CEP85: variants seen among roughly 807,000 people sequenced by gnomAD.
CEP85 encodes centrosomal protein of 85 kDa.
CEP85 carries 58 observed loss-of-function variants against 93.7 expected under a neutral mutation model. That is an observed-to-expected ratio of 0.62 (90% confidence interval 0.50 to 0.77). The LOEUF is 0.77. Among genes scored for constraint, CEP85 ranks in the 30% least tolerant of loss-of-function variants. CEP85 has a pLI of 0.00. For missense variants in CEP85, 868 were observed against 922.0 expected, an observed-to-expected ratio of 0.94 and a Z score of 0.76; for synonymous variants, 314 against 338.6, an observed-to-expected ratio of 0.93 and a Z score of 0.80.
chr1:26,271,102 CA>C lies in CEP85; in HGVS notation c.1742del (p.Lys581ArgfsTer20). The C allele has an allele frequency of 1.2e-6, 2 of 1,604,308 alleles. No individual in the cohort carries two copies. Among genetic ancestry groups the C allele is most frequent in the Non-Finnish European group, 1.7e-6 (2 of 1,171,198 alleles). On this transcript the variant is annotated frameshift_variant, in exon 10 of 14. Transcript: ENST00000451429. LOFTEE classifies it high-confidence loss of function. ...CTGGCAGAAGCGATACGATTCGCTC[CA>C]AAAGGTGACTGAGGGTGTCCAGGCT... Reference protein sequence around the residue: ...ESWQKRYDSLQKIVEKQQQKM... With the variant: ...ESWQKRYDSLXKIVEKQQQKM...
intron 3 of CEP85, among the ~76,000 whole-genome samples, chr1:26,253,694 C>G (rs140126250): frequency 2.2e-3 from 327 of 151,792 alleles, no homozygotes; most frequent in African/African-American, 7.5e-3. Flanking sequence ...CCGGCCTCAT[C>G]TTTTTCATCA....
At chr1:26,270,291 C>G (rs1252918697) in intron 9 of CEP85, among the ~76,000 whole-genome samples, 1 of 152,198 alleles carries the variant, frequency 6.6e-6, no homozygotes, top group Non-Finnish European at 1.5e-5. Flanking sequence ...ACAGTTCGAG[C>G]TGTGTAGGCT....
chr1:26,256,787 C>T (rs1004329439), intron 4 of CEP85, among the ~76,000 whole-genome samples: 22 of 151,302 alleles, frequency 1.5e-4, no homozygotes, highest in Non-Finnish European at 2.4e-4. Context: ...TTAGTAGAAA[C>T]AGGGTTTCAC....
At chr1:26,269,751 G>T in intron 9 of CEP85, 137 bp downstream of exon 9, 18 of 405,748 alleles carry the variant, frequency 4.4e-5, no homozygotes, top group Middle Eastern at 7.7e-4. Flanking sequence ...TTTGGACTGT[G>T]AATAATAGGA....
At chr1:26,242,320 G>T (rs1458475268) in intron 2 of CEP85, among the ~76,000 whole-genome samples, 2 of 152,140 alleles carry the variant, frequency 1.3e-5, no homozygotes, top group Non-Finnish European at 2.9e-5. Context: ...GAGAGAAAAA[G>T]CTGTGTAGAC....
intron 3 of CEP85, among the ~76,000 whole-genome samples, chr1:26,245,863 T>C (rs377397859): frequency 5.3e-5 from 8 of 152,278 alleles, no homozygotes; most frequent in African/African-American, 1.7e-4. Flanking sequence ...CCACAGCCAC[T>C]TGGATGGCTA....
At chr1:26,242,480 C>G (rs1437712793) in intron 2 of CEP85, among the ~76,000 whole-genome samples, 2 of 152,114 alleles carry the variant, frequency 1.3e-5, no homozygotes, top group Non-Finnish European at 2.9e-5. Flanking sequence ...AAGATTCTTT[C>G]AAATCAGGCA....
chr1:26,266,797 G>A (rs1400655595), intron 7 of CEP85, among the ~76,000 whole-genome samples: 2 of 152,194 alleles, frequency 1.3e-5, no homozygotes, highest in Non-Finnish European at 2.9e-5. Flanking sequence ...TGAAGAAAAA[G>A]CCTCTGTTCA....
intron 8 of CEP85, among the ~76,000 whole-genome samples, chr1:26,268,872 A>C (rs1016615330): frequency 4.6e-5 from 7 of 152,224 alleles, no homozygotes; most frequent in African/African-American, 1.7e-4. Flanking sequence ...AGAATCAGTA[A>C]GTTCAGGTCT....
chr1:26,277,094 C>T, intron 13 of CEP85, 42 bp from the exon 14 acceptor site: 1 of 1,595,930 alleles, frequency 6.3e-7, no homozygotes, highest in African/African-American at 1.3e-5. Flanking sequence ...ATGAAAATGT[C>T]TCATAACTAA....
At chr1:26,249,343 A>G (rs12143920) in intron 3 of CEP85, among the ~76,000 whole-genome samples, 25,152 of 152,242 alleles carry the variant, frequency 0.17, 2,184 homozygotes, top group Middle Eastern at 0.21. Context: ...TGGCCTCTCA[A>G]AGTGTTGGGA....
At chr1:26,244,686 A>G (rs900241546) in intron 3 of CEP85, among the ~76,000 whole-genome samples, 4 of 151,920 alleles carry the variant, frequency 2.6e-5, no homozygotes, top group African/African-American at 9.7e-5. Context: ...GTGGCTGGCT[A>G]ATTTTTTGTG....
rs57584528 is a variant in CEP85, at chr1:26,254,864, T to A, written c.209-307T>A. ...AATTTGTTTTAAAGTTTAAATTTTT[T>A]AAAAAACTTTTTAAAAGTTTTTCAG... On this transcript the variant is annotated intron_variant, in intron 3 of 13. Coordinates refer to ENST00000451429, the MANE Select transcript of CEP85 (RefSeq NM_001319944.2). 9.9e-3 allele frequency: 3,277 copies of A among 332,388 alleles called. 79 individuals are homozygous for A. The highest frequency in any genetic ancestry group is 0.061 in the African/African-American group (2,879 of 47,376). The allele number at this position is 332,388 out of a possible 1,614,324, so 20.6% of individuals were successfully genotyped here. A position where few individuals can be genotyped will look rare whatever the true frequency, so the allele number is the denominator to read the frequency against.
At chr1:26,256,956 T>TGTG (rs1557658491) in intron 4 of CEP85, among the ~76,000 whole-genome samples, 1 of 149,524 alleles carries the variant, frequency 6.7e-6, no homozygotes, top group Non-Finnish European at 1.5e-5. Flanking sequence ...TGTGTGTGTG[T>TGTG]TTTGGAGACA....
At chr1:26,251,779 T>A (rs1178350019) in intron 3 of CEP85, among the ~76,000 whole-genome samples, 1 of 151,746 alleles carries the variant, frequency 6.6e-6, no homozygotes, top group Non-Finnish European at 1.5e-5. Flanking sequence ...CTAGAGAGAG[T>A]GGTGCTATGG....
intron 1 of CEP85, among the ~76,000 whole-genome samples, chr1:26,235,965 G>A (rs765033141): frequency 5.3e-5 from 8 of 152,226 alleles, no homozygotes; most frequent in Non-Finnish European, 8.8e-5. Context: ...CCTAGGTGAT[G>A]ACCAAGGACA....
chr1:26,251,533 G>A (rs1245617783), intron 3 of CEP85, among the ~76,000 whole-genome samples: 3 of 151,992 alleles, frequency 2.0e-5, no homozygotes, highest in African/African-American at 7.2e-5. Context: ...TTACAGGCAT[G>A]AGCCACCATG....
intron 1 of CEP85, among the ~76,000 whole-genome samples, chr1:26,234,886 C>G (rs2089300070): frequency 6.6e-6 from 1 of 152,200 alleles, no homozygotes; most frequent in Admixed American, 6.5e-5. Context: ...TGGTCGATGT[C>G]TGGAAACACT....
intron 8 of CEP85, 135 bp downstream of exon 8, chr1:26,268,770 T>A (rs2089929844): frequency 1.1e-6 from 1 of 934,112 alleles, no homozygotes; most frequent in Admixed American, 3.4e-5. Context: ...TCCAGATTCA[T>A]AATTGTCAGA....
Sources: gnomAD v4.1 joint callset for allele counts (sites outside exome capture counted in the v4.1 genomes callset) on GRCh38, gnomAD v4.1.1 for gene constraint, MANE v1.5 for transcripts, NCBI Gene and HGNC (gene_info 2026-07-23, HGNC 2026-07-21) for gene names.